Variants in NWD1 observed in about 807,000 individuals in gnomAD.
NWD1 encodes NACHT and WD repeat domain containing 1.
In NWD1, 129 loss-of-function variants were observed where a neutral mutation model predicts 135.1. The ratio of observed to expected loss-of-function variants is 0.96; its 90% CI spans 0.83 to 1.11. The LOEUF is 1.11. Ranked by LOEUF, NWD1 falls within the 50% of genes least tolerant of loss-of-function variation. The probability of loss-of-function intolerance (pLI) is 0.00; values close to 1 mark genes in which losing one functional copy is unlikely to be tolerated. For synonymous variants in NWD1, 773 were observed against 786.0 expected (o/e 0.98, Z 0.28); for missense variants, 1,740 against 1,851.3 (o/e 0.94, Z 1.10).
intron 3 of NWD1, among the ~76,000 whole-genome samples, chr19:16,732,472 T>C (rs1967609833): frequency 6.6e-6 from 1 of 151,382 alleles, no homozygotes; most frequent in African/African-American, 2.4e-5. Flanking sequence ...GGCTTTGCGA[T>C]ATGGGGGATG....
chr19:16,797,328 CTTTTTTTT>C (rs764836395), intron 15 of NWD1, among the ~76,000 whole-genome samples: 1 of 120,356 alleles, frequency 8.3e-6, no homozygotes, highest in African/African-American at 3.7e-5. Context: ...CAAAACATCT[CTTTTTTTT>C]TTTTTTTTTT....
rs376921925 is a variant in NWD1 at position 16,813,055 on chromosome 19, G to A, written c.4288-1973G>A. On this transcript the variant is annotated intron_variant, in intron 18 of 18. Transcript: ENST00000524140. ...CTGGAGTTCGAGAACTCCCTCCCTTGAGTTTTCATTAGGGCATGCACAGGC... is the reference window on the plus strand; with the variant it reads ...CTGGAGTTCGAGAACTCCCTCCCTTAAGTTTTCATTAGGGCATGCACAGGC... Among the ~76,000 whole-genome samples the A allele has an allele frequency of 5.4e-4, 82 of 152,276 alleles. 1 individual carries two copies. The highest frequency in any genetic ancestry group is 1.9e-3 in the African/African-American group (81 of 41,564).
chr19:16,740,937 T>C (rs1044622165), intron 4 of NWD1, among the ~76,000 whole-genome samples: 1 of 152,032 alleles, frequency 6.6e-6, no homozygotes, highest in Admixed American at 6.6e-5. Context: ...GGCAGGCGGA[T>C]CACTTGAGGT....
At chr19:16,783,600 C>T (rs1969937017) in intron 12 of NWD1, among the ~76,000 whole-genome samples, 1 of 151,038 alleles carries the variant, frequency 6.6e-6, no homozygotes, top group Admixed American at 6.6e-5. Flanking sequence ...CGCCACTGCA[C>T]TCCAGCCTGG....
intron 6 of NWD1, among the ~76,000 whole-genome samples, chr19:16,755,085 CTATT>C (rs2122843119): frequency 6.6e-6 from 1 of 152,320 alleles, no homozygotes; most frequent in African/African-American, 2.4e-5. Context: ...ATCTATCCAC[CTATT>C]TAAATGATCT....
intron 14 of NWD1, among the ~76,000 whole-genome samples, chr19:16,793,557 G>T (rs893141510): frequency 7.5e-6 from 1 of 134,044 alleles, no homozygotes; most frequent in Non-Finnish European, 1.6e-5. Flanking sequence ...TTTTTTAACT[G>T]TTTTTTTGTT....
chr19:16,753,468 C>A (rs1254780060), intron 6 of NWD1, among the ~76,000 whole-genome samples: 2 of 152,148 alleles, frequency 1.3e-5, no homozygotes, highest in African/African-American at 4.8e-5. Context: ...CACATCAGAT[C>A]CATGTGGCAG....
At chr19:16,747,334 TGACA>T (rs1461259226) in intron 5 of NWD1, among the ~76,000 whole-genome samples, 1 of 147,084 alleles carries the variant, frequency 6.8e-6, no homozygotes, top group East Asian at 2.0e-4. Flanking sequence ...CGCGCCTGGC[TGACA>T]TTTTCTTTTT....
intron 10 of NWD1, among the ~76,000 whole-genome samples, chr19:16,771,715 A>G (rs780613434): frequency 2.8e-4 from 43 of 152,132 alleles, no homozygotes; most frequent in Non-Finnish European, 4.6e-4. Flanking sequence ...GTAGGAACAA[A>G]TGTTATCACC....
intron 3 of NWD1, among the ~76,000 whole-genome samples, chr19:16,735,946 A>G (rs1005211841): frequency 2.0e-5 from 3 of 147,610 alleles, no homozygotes; most frequent in Admixed American, 6.9e-5. Context: ...CCTGGGTGAC[A>G]TAGCAGGACT....
intron 10 of NWD1, among the ~76,000 whole-genome samples, chr19:16,771,458 CAAAT>C (rs1052063596): frequency 1.3e-5 from 2 of 152,032 alleles, no homozygotes; most frequent in African/African-American, 2.4e-5. Flanking sequence ...TCAAAATACA[CAAAT>C]AAATAAAGAG....
chr19:16,803,792 G>A (rs989666644), intron 17 of NWD1, among the ~76,000 whole-genome samples: 3 of 151,788 alleles, frequency 2.0e-5, no homozygotes, highest in African/African-American at 7.3e-5. Flanking sequence ...GGGCGTGGTG[G>A]TGTGTGCCTG....
At chr19:16,752,932 T>G (rs2122829281) in intron 6 of NWD1, among the ~76,000 whole-genome samples, 1 of 152,294 alleles carries the variant, frequency 6.6e-6, no homozygotes, top group Admixed American at 6.5e-5. Flanking sequence ...CAGGAGGTCA[T>G]GGCTGCAGTG....
rs1376768403 is a variant in NWD1 at position 16,807,832 on chromosome 19, C to T, written c.3983C>T (p.Thr1328Ile). The change falls in exon 18 of 19, where the codon ACC (threonine) becomes ATC (isoleucine). Residue 1328 changes from threonine (T) to isoleucine (I), a missense_variant. Transcript: ENST00000524140. The stretch of plus-strand genomic sequence containing the variant: ...AACATCGTCCTGGTGCTGGACATCA[C>T]CTCCGGGGACCCCTGCCCGGTCATC... ...YDNIVLVLDITSGDPCPVIDG... is the reference protein window; with the variant it reads ...YDNIVLVLDIISGDPCPVIDG... 1 of 1,614,062 alleles carries T rather than the reference C, an allele frequency of 6.2e-7. No homozygotes were observed. Among genetic ancestry groups the T allele is most frequent in the Non-Finnish European group, 8.5e-7 (1 of 1,180,050 alleles).
chr19:16,808,078 C>A lies in NWD1; in HGVS notation c.4229C>A (p.Ala1410Asp), dbSNP rs1970812086. 1.2e-6 allele frequency: 2 copies of A among 1,613,996 alleles called. No individual in the cohort carries two copies. Among genetic ancestry groups the A allele is most frequent in the Non-Finnish European group, 1.7e-6 (2 of 1,180,032 alleles). Residue 1410 changes from alanine (A) to aspartate (D), a missense_variant, in exon 18 of 19, where the codon GCC (alanine) becomes GAC (aspartate). Ala to Asp is a moderately radical substitution (Grantham distance 126). Transcript: ENST00000524140. The stretch of plus-strand genomic sequence containing the variant: ...CTGGTGGTCAGCGGGTCTGAGGATG[C>A]CCTGCTGTGTCTCTGGGACCTGCAG... ...EQLVVSGSED[A>D]LLCLWDLQAR...
intron 3 of NWD1, among the ~76,000 whole-genome samples, chr19:16,736,234 TCTC>T (rs1967811900): frequency 2.0e-5 from 3 of 150,388 alleles, no homozygotes; most frequent in African/African-American, 4.9e-5. Flanking sequence ...CCTACCTTCC[TCTC>T]TCTCTTTCTT....
chr19:16,802,865 G>A (rs561272526), intron 17 of NWD1, among the ~76,000 whole-genome samples: 5 of 149,846 alleles, frequency 3.3e-5, no homozygotes, highest in East Asian at 2.0e-4. Context: ...GCCAGAAATC[G>A]CTTGAACCCA....
chr19:16,736,290 T>G (rs563283081), intron 3 of NWD1, among the ~76,000 whole-genome samples: 23 of 146,672 alleles, frequency 1.6e-4, no homozygotes, highest in Non-Finnish European at 2.4e-4. Flanking sequence ...CATGCAGTAG[T>G]ACAATAAGAG....
chr19:16,807,170 CAAA>C (rs111687474), intron 17 of NWD1, among the ~76,000 whole-genome samples: 10 of 99,800 alleles, frequency 1.0e-4, no homozygotes, highest in African/African-American at 9.6e-5. Context: ...AATACTGTCT[CAAA>C]AAAAAAAAAA....
Sources: allele counts gnomAD v4.1 joint callset (sites outside exome capture counted in the v4.1 genomes callset), GRCh38; gene constraint gnomAD v4.1.1; transcripts MANE v1.5; gene names NCBI Gene and HGNC (gene_info 2026-07-23, HGNC 2026-07-21).